RTN1: variants seen among roughly 807,000 people sequenced by gnomAD.
RTN1 encodes the protein reticulon-1.
Under a neutral mutation model 65.5 loss-of-function variants are expected in RTN1, and 25 were observed. That is an observed-to-expected ratio of 0.38 (90% CI 0.28 to 0.53). RTN1 has a LOEUF of 0.53. RTN1 is among the 20% of genes least tolerant of loss of function. The pLI is 0.79. For synonymous variants in RTN1, 471 were observed against 447.6 expected (o/e 1.05, Z -0.66); for missense variants, 983 against 1,025.4 (o/e 0.96, Z 0.57).
intron 3 of RTN1, among the ~76,000 whole-genome samples, chr14:59,673,188 C>T (rs1284182689): frequency 6.6e-6 from 1 of 152,204 alleles, no homozygotes; most frequent in Non-Finnish European, 1.5e-5. Flanking sequence ...ATCTCTGTAG[C>T]CACTGTGTTA....
At chr14:59,645,786 A>G (rs1043567824) in intron 3 of RTN1, among the ~76,000 whole-genome samples, 1 of 152,242 alleles carries the variant, frequency 6.6e-6, no homozygotes, top group Non-Finnish European at 1.5e-5. Flanking sequence ...CCAGGACTCC[A>G]GTGCAACCAC....
At chr14:59,672,488 G>A (rs1883527155) in intron 3 of RTN1, among the ~76,000 whole-genome samples, 1 of 152,002 alleles carries the variant, frequency 6.6e-6, no homozygotes, top group South Asian at 2.1e-4. Flanking sequence ...CACATCATAT[G>A]GCAAATTTCA....
At chr14:59,733,482 T>C (rs1884943970) in intron 2 of RTN1, among the ~76,000 whole-genome samples, 2 of 151,574 alleles carry the variant, frequency 1.3e-5, no homozygotes, top group Non-Finnish European at 2.9e-5. Flanking sequence ...TGCTGGCACA[T>C]ATTAGGGACA....
chr14:59,659,616 C>T (rs1883200305), intron 3 of RTN1, among the ~76,000 whole-genome samples: 1 of 152,140 alleles, frequency 6.6e-6, no homozygotes, highest in Non-Finnish European at 1.5e-5. Flanking sequence ...ATTTTCAACC[C>T]AGAATTTCAT....
chr14:59,825,931 G>C lies in RTN1; in HGVS notation c.241+44459C>G, dbSNP rs1220528290. ...TAACAGTTTGTGGTACCCATTCCCAGTACCCTAGTTCAGACATTTCATTCA... is the reference window on the plus strand; with the variant it reads ...TAACAGTTTGTGGTACCCATTCCCACTACCCTAGTTCAGACATTTCATTCA... On this transcript the variant is annotated intron_variant, in intron 1 of 8. Coordinates refer to ENST00000267484, the MANE Select transcript of RTN1 (RefSeq NM_021136.3). This position sits in a 1 kb window ranked among gnomAD's most constrained non-coding sequence, Gnocchi z 4.2. Among the ~76,000 whole-genome samples the C allele has an allele frequency of 1.3e-5, 2 of 152,172 alleles. No homozygotes were observed. Among genetic ancestry groups the C allele is most frequent in the Non-Finnish European group, 2.9e-5 (2 of 68,026 alleles).
chr14:59,696,076 G>A (rs1046610894), intron 3 of RTN1, among the ~76,000 whole-genome samples: 7 of 152,108 alleles, frequency 4.6e-5, no homozygotes, highest in Non-Finnish European at 1.0e-4. Context: ...GATTTAGCAG[G>A]TGACTTTGTT....
chr14:59,780,792 A>C (rs145570152), intron 1 of RTN1, among the ~76,000 whole-genome samples: 2 of 152,348 alleles, frequency 1.3e-5, no homozygotes, highest in Non-Finnish European at 2.9e-5. Flanking sequence ...GAGAGCAAGG[A>C]AATATAGGAA....
chr14:59,743,749 G>C (rs1235243890), intron 2 of RTN1, among the ~76,000 whole-genome samples: 1 of 152,012 alleles, frequency 6.6e-6, no homozygotes, highest in Non-Finnish European at 1.5e-5. Flanking sequence ...TCCTCTGAGA[G>C]TCACCTGTGG....
chr14:59,826,405 T>C (rs548570735), intron 1 of RTN1, among the ~76,000 whole-genome samples: 41 of 152,326 alleles, frequency 2.7e-4, no homozygotes, highest in African/African-American at 8.7e-4. Context: ...ACTCCATACC[T>C]GTTAATGAGT....
intron 2 of RTN1, among the ~76,000 whole-genome samples, chr14:59,744,404 G>A (rs1885174465): frequency 6.6e-6 from 1 of 152,196 alleles, no homozygotes; most frequent in South Asian, 2.1e-4. Context: ...GAGTGGCACA[G>A]GGTGGGGTGA....
chr14:59,672,509 C>T (rs1316061220), intron 3 of RTN1, among the ~76,000 whole-genome samples: 1 of 151,466 alleles, frequency 6.6e-6, no homozygotes, highest in East Asian at 1.9e-4. Context: ...AAATTAATAT[C>T]AAGGAAGGTG....
At chr14:59,756,842 T>TG (rs71451078) in intron 1 of RTN1, among the ~76,000 whole-genome samples, 4 of 51,394 alleles carry the variant, frequency 7.8e-5, no homozygotes, top group Non-Finnish European at 1.2e-4. Context: ...CTTTTTTTTG[T>TG]TTTTTTTTTT....
Position 59,750,987 on chromosome 14 carries a change from G to T in RTN1, c.242-4506C>A, listed in dbSNP as rs1466685830. Among the ~76,000 whole-genome samples, 11 of 111,996 alleles carry T rather than the reference G, an allele frequency of 9.8e-5. 1 individual carries two copies. The highest frequency in any genetic ancestry group is 2.8e-4 in the Admixed American group (3 of 10,724). The allele number at this position is 111,996 out of a possible 152,430, so 73.5% of individuals were successfully genotyped here. ...TCTGCCTTGGCCTCCCAAAGTGCTG[G>T]GATTACCGGCATTGAGTCACCTCAC... On this transcript the variant is annotated intron_variant, in intron 1 of 8. Coordinates refer to ENST00000267484, the MANE Select transcript of RTN1 (RefSeq NM_021136.3).
intron 1 of RTN1, among the ~76,000 whole-genome samples, chr14:59,857,952 G>T (rs1887637095): frequency 6.6e-6 from 1 of 152,006 alleles, no homozygotes; most frequent in African/African-American, 2.4e-5. Context: ...GCTCACTTCT[G>T]CCCCCTTCCA....
chr14:59,867,332 T>G (rs1023775327), intron 1 of RTN1, among the ~76,000 whole-genome samples: 1 of 152,208 alleles, frequency 6.6e-6, no homozygotes, highest in Non-Finnish European at 1.5e-5. Flanking sequence ...TGATGGCACT[T>G]TTATGATTAA....
At chr14:59,704,777 G>T (rs966616407) in intron 3 of RTN1, among the ~76,000 whole-genome samples, 1 of 152,146 alleles carries the variant, frequency 6.6e-6, no homozygotes, top group Non-Finnish European at 1.5e-5. Context: ...TTGTGCTGCA[G>T]CTGATTCCCG....
At chr14:59,809,799 C>T (rs1041789194) in intron 1 of RTN1, among the ~76,000 whole-genome samples, 1 of 152,136 alleles carries the variant, frequency 6.6e-6, no homozygotes, top group African/African-American at 2.4e-5. Context: ...TAAGACACAA[C>T]AGAACCCCCA....
intron 1 of RTN1, among the ~76,000 whole-genome samples, chr14:59,753,770 T>C (rs1885578920): frequency 6.6e-6 from 1 of 152,216 alleles, no homozygotes; most frequent in Non-Finnish European, 1.5e-5. Context: ...CACAAGCCAT[T>C]TGCCCCAGGT....
chr14:59,625,593 C>T (rs758415219), intron 3 of RTN1, among the ~76,000 whole-genome samples: 1 of 152,054 alleles, frequency 6.6e-6, no homozygotes, highest in Non-Finnish European at 1.5e-5. Context: ...TTGTTGCCTA[C>T]CTAGCCCTTT....
Sources: allele counts gnomAD v4.1 joint callset (sites outside exome capture counted in the v4.1 genomes callset), GRCh38; gene constraint gnomAD v4.1.1; non-coding constraint Gnocchi (gnomAD v3.1); transcripts MANE v1.5; gene names NCBI Gene and HGNC (gene_info 2026-07-23, HGNC 2026-07-21).